BEND3: variants seen among roughly 807,000 people sequenced by gnomAD.
The protein encoded by BEND3 is BEN domain-containing protein 3.
BEND3 carries 13 observed loss-of-function variants against 60.1 expected under a neutral mutation model. The ratio of observed to expected loss-of-function variants is 0.22; its 90% confidence interval spans 0.14 to 0.34. BEND3 has a LOEUF of 0.34. BEND3 is among the 10% of genes least tolerant of loss of function. The pLI, the probability that BEND3 is intolerant of heterozygous loss-of-function variation, is 1.00. For synonymous variants in BEND3, 497 were observed against 491.5 expected (o/e 1.01, Z -0.15); for missense variants, 896 against 1,138.1 (o/e 0.79, Z 3.06).
chr6:107,089,891 G>C (rs1417365655), intron 3 of BEND3, among the ~76,000 whole-genome samples: 1 of 151,422 alleles, frequency 6.6e-6, no homozygotes, highest in African/African-American at 2.4e-5. Flanking sequence ...CACTGCGCCT[G>C]GCCACCAACT....
chr6:107,069,693 CGTA>C lies in BEND3; in HGVS notation c.1495_1497del (p.Tyr499del). ...ATGTCGTCGGGCAGACTGGAGGAGT[CGTA>C]GCAGTCATCACGCGGGGGGTCGCCT... On this transcript the variant is annotated inframe_deletion, in exon 4 of 4. Coordinates refer to ENST00000369042, the MANE Select transcript of BEND3 (RefSeq NM_001367314.1). The C allele has an allele frequency of 8.7e-6, 14 of 1,609,900 alleles. No individual in the cohort carries two copies. Among genetic ancestry groups the C allele is most frequent in the Non-Finnish European group, 1.1e-5 (13 of 1,179,988 alleles).
In BEND3 at chr6:107,069,880, G is replaced by A. The variant is rs41292438; in HGVS notation, c.1311C>T (p.Asp437=). 3,687 of 1,613,832 alleles carry A rather than the reference G, an allele frequency of 2.3e-3. 9 individuals are homozygous for A. The highest frequency in any genetic ancestry group is 4.1e-3 in the South Asian group (371 of 91,072). Residue 437 remains aspartate, a synonymous_variant, in exon 4 of 4, where the codon GAC becomes GAT. Coordinates refer to ENST00000369042, the MANE Select transcript of BEND3 (RefSeq NM_001367314.1). The part of the protein sequence containing the change: ...KLGEQYSCYG[D]GGKQELDPQR... The stretch of plus-strand genomic sequence containing the variant: ...GCGGGTCCAGCTCCTGCTTTCCACC[G>A]TCCCCGTAGCAGCTGTACTGTTCAC...
At chr6:107,099,708 G>T (rs555387372) in intron 1 of BEND3, among the ~76,000 whole-genome samples, 11 of 152,096 alleles carry the variant, frequency 7.2e-5, no homozygotes, top group Non-Finnish European at 2.9e-5. Context: ...TAGGACTTAC[G>T]GTTGTCAAGA....
Position 107,070,735 on chromosome 6 carries a change from C to T in BEND3, c.456G>A (p.Val152=). The change falls in exon 4 of 4, where the codon GTG becomes GTA. Residue 152 remains valine (V), a synonymous_variant. Coordinates refer to ENST00000369042, the MANE Select transcript of BEND3 (RefSeq NM_001367314.1). The surrounding 1 kb of genome is among the most constrained non-coding windows in gnomAD (Gnocchi z 6.9). ...CGTTTGCCTTCTCAAAGAGCTCGTA[C>T]ACGTTTAGCAGGTCCCCCGAGGGAG... ...KNPPSGDLLN[V]YELFEKANAS... is the part of the protein sequence containing the mutation. The T allele has an allele frequency of 1.9e-6, 3 of 1,614,026 alleles. No individual in the cohort carries two copies. The highest frequency in any genetic ancestry group is 1.7e-6 in the Non-Finnish European group (2 of 1,180,018).
chr6:107,111,775 A>G (rs1770100038), intron 1 of BEND3, among the ~76,000 whole-genome samples: 1 of 152,120 alleles, frequency 6.6e-6, no homozygotes, highest in South Asian at 2.1e-4. Context: ...TGAGGTCAGG[A>G]GTTCAAGACC....
At chr6:107,083,630 T>C (rs1775278036) in intron 3 of BEND3, among the ~76,000 whole-genome samples, 1 of 151,478 alleles carries the variant, frequency 6.6e-6, no homozygotes, top group Non-Finnish European at 1.5e-5. Context: ...AGCAAGACTG[T>C]ATCTCAAAAA....
intron 1 of BEND3, among the ~76,000 whole-genome samples, chr6:107,104,305 A>G (rs1409310681): frequency 6.6e-6 from 1 of 151,948 alleles, no homozygotes; most frequent in Non-Finnish European, 1.5e-5. Flanking sequence ...AAAAAAAAAA[A>G]AAAGGAAGAA....
At chr6:107,108,657 CCT>C (rs1222914848) in intron 1 of BEND3, among the ~76,000 whole-genome samples, 14 of 152,086 alleles carry the variant, frequency 9.2e-5, no homozygotes, top group Non-Finnish European at 1.5e-4. Context: ...CAAAACAGCC[CCT>C]GACATACAAG....
chr6:107,065,880 C>T lies in BEND3; in HGVS notation c.*2824G>A, dbSNP rs1219806877. On this transcript the variant is annotated 3_prime_UTR_variant, in exon 4 of 4. Transcript: ENST00000369042. ...ACGCTAGCGCAAATGACACCAGACA[C>T]GACTTTATTCCCTGTCAAACATTTG... The T allele has an allele frequency of 2.0e-5, 3 of 152,304 alleles. No individual in the cohort carries two copies. Among genetic ancestry groups the T allele is most frequent in the South Asian group, 2.1e-4 (1 of 4,826 alleles). 9.4% of individuals were successfully genotyped at this position (152,304 alleles called of 1,614,324 possible).
At position 107,109,473 on chromosome 6, in the gene BEND3, G is replaced by A. The variant is rs1775895448; in HGVS notation, c.-12+5617C>T. On this transcript the variant is annotated intron_variant, in intron 1 of 3. Coordinates refer to ENST00000369042, the MANE Select transcript of BEND3 (RefSeq NM_001367314.1). ...AAAAAAAAAAATCGAGGTGGGGCAG[G>A]CATAGTGGCTTACACCTGTAATCTC... Among the ~76,000 whole-genome samples the A allele has an allele frequency of 2.3e-5, 3 of 132,100 alleles. No homozygotes were observed. The South Asian group carries it at 7.3e-4, about 32-fold the overall frequency. 86.7% of individuals were successfully genotyped at this position (132,100 alleles called of 152,430 possible). A position where few individuals can be genotyped will look rare whatever the true frequency, so the allele number is the denominator to read the frequency against.
intron 3 of BEND3, among the ~76,000 whole-genome samples, chr6:107,078,453 C>T (rs1335640124): frequency 6.6e-6 from 1 of 151,086 alleles, no homozygotes; most frequent in Non-Finnish European, 1.5e-5. Flanking sequence ...AGCTCAGAGG[C>T]AATAAATAAA....
intron 3 of BEND3, among the ~76,000 whole-genome samples, chr6:107,095,276 C>T (rs1202262963): frequency 2.0e-5 from 3 of 151,968 alleles, no homozygotes; most frequent in South Asian, 2.1e-4. Flanking sequence ...CGCTTGAGGC[C>T]AGGAGGTCAA....
chr6:107,083,119 G>A (rs1775266515), intron 3 of BEND3, among the ~76,000 whole-genome samples: 1 of 152,078 alleles, frequency 6.6e-6, no homozygotes, highest in African/African-American at 2.4e-5. Context: ...AATAAAATAT[G>A]GTTAAGCTAT....
At chr6:107,093,988 T>C (rs1380904646) in intron 3 of BEND3, among the ~76,000 whole-genome samples, 2 of 152,222 alleles carry the variant, frequency 1.3e-5, no homozygotes, top group Non-Finnish European at 2.9e-5. Flanking sequence ...AAGACATACC[T>C]GATAAAGGAC....
chr6:107,073,204 T>C (rs1775022936), intron 3 of BEND3, among the ~76,000 whole-genome samples: 1 of 2,132 alleles, frequency 4.7e-4, no homozygotes, highest in Non-Finnish European at 1.1e-3. Flanking sequence ...TGTGTATGTA[T>C]ATATATATAT....
At chr6:107,084,978 T>C (rs1477863460) in intron 3 of BEND3, among the ~76,000 whole-genome samples, 1 of 152,220 alleles carries the variant, frequency 6.6e-6, no homozygotes, top group Non-Finnish European at 1.5e-5. Context: ...CTCTTCACAA[T>C]AAATCTTGCT....
intron 1 of BEND3, among the ~76,000 whole-genome samples, chr6:107,107,966 G>T (rs965901181): frequency 3.3e-5 from 5 of 152,232 alleles, no homozygotes; most frequent in Non-Finnish European, 5.9e-5. Flanking sequence ...TGGGTTCACA[G>T]GACCGGCTGG....
chr6:107,097,790 C>CAAAAAA lies in BEND3; in HGVS notation c.240+755_240+760dup, dbSNP rs10674719. On this transcript the variant is annotated intron_variant, in intron 3 of 3. Transcript: ENST00000369042. ...GGGCAAGAACAGCAAAACTCCGTCT[C>CAAAAAA]AAAAAAAAAAAAAAAAAAAAAAAAA... 7.5e-5 allele frequency among the ~76,000 whole-genome samples: 4 copies of CAAAAAA among 53,348 alleles called. 1 individual carries two copies. The highest frequency in any genetic ancestry group is 8.1e-5 in the African/African-American group (1 of 12,346). 35.0% of individuals were successfully genotyped at this position (53,348 alleles called of 152,430 possible).
intron 1 of BEND3, among the ~76,000 whole-genome samples, chr6:107,113,437 C>CAA (rs1158122732): frequency 0.013 from 168 of 12,742 alleles, 11 homozygotes; most frequent in East Asian, 0.026. Flanking sequence ...GACTCCGTCT[C>CAA]AAAAAAAAAA....
Sources: gnomAD v4.1 joint callset for allele counts (sites outside exome capture counted in the v4.1 genomes callset) on GRCh38, gnomAD v4.1.1 for gene constraint, Gnocchi (gnomAD v3.1) non-coding constraint, MANE v1.5 for transcripts, NCBI Gene and HGNC (gene_info 2026-07-23, HGNC 2026-07-21) for gene names.